The following ZNF804B variants were observed in gnomAD, a reference collection of about 807,000 sequenced individuals.
ZNF804B encodes zinc finger protein 804B, also known as zinc finger 804B.
A neutral mutation model predicts 101.4 loss-of-function variants in ZNF804B; 80 were observed. The ratio of observed to expected loss-of-function variants is 0.79; its 90% CI spans 0.66 to 0.95. The LOEUF (loss-of-function observed/expected upper bound fraction) is 0.95. Ranked by LOEUF, ZNF804B falls within the 40% of genes least tolerant of loss-of-function variation. The pLI is 0.00. For synonymous variants in ZNF804B, 622 were observed against 558.8 expected, an observed-to-expected ratio of 1.11 and a Z score of -1.59; for missense variants, 1,673 against 1,561.9, an observed-to-expected ratio of 1.07 and a Z score of -1.20.
chr7:88,964,223 T>C (rs948016162), intron 1 of ZNF804B, among the ~76,000 whole-genome samples: 3 of 151,444 alleles, frequency 2.0e-5, no homozygotes, highest in African/African-American at 7.3e-5. Context: ...ACAGATATTT[T>C]TACACCAATT....
intron 2 of ZNF804B, among the ~76,000 whole-genome samples, chr7:89,254,651 A>AT (rs111618806): frequency 0.023 from 2,723 of 117,528 alleles, 72 homozygotes; most frequent in East Asian, 0.11. Context: ...TATTTTTATT[A>AT]TTTTTTTTTT....
intron 1 of ZNF804B, among the ~76,000 whole-genome samples, chr7:89,033,619 G>C (rs1375680796): frequency 6.6e-6 from 1 of 151,884 alleles, no homozygotes; most frequent in Non-Finnish European, 1.5e-5. Flanking sequence ...AAAAAATATA[G>C]TTCGTTTCCC....
At chr7:89,254,212 A>G (rs992216448) in intron 2 of ZNF804B, among the ~76,000 whole-genome samples, 2 of 152,166 alleles carry the variant, frequency 1.3e-5, no homozygotes, top group African/African-American at 2.4e-5. Context: ...CACTATATCT[A>G]CAAAACATAA....
chr7:88,842,151 A>T (rs905025757), intron 1 of ZNF804B, among the ~76,000 whole-genome samples: 6 of 152,174 alleles, frequency 3.9e-5, no homozygotes, highest in Non-Finnish European at 8.8e-5. Flanking sequence ...AATCAAATAA[A>T]AGTTTGTATT....
chr7:88,898,188 G>A (rs1792337681), intron 1 of ZNF804B, among the ~76,000 whole-genome samples: 1 of 135,662 alleles, frequency 7.4e-6, no homozygotes, highest in Non-Finnish European at 1.5e-5. Context: ...CCGGGTTCAC[G>A]CCATTCTCCT....
chr7:89,014,830 T>A (rs1338996152), intron 1 of ZNF804B, among the ~76,000 whole-genome samples: 1 of 145,574 alleles, frequency 6.9e-6, no homozygotes, highest in Admixed American at 6.6e-5. Flanking sequence ...AATTGTTTGC[T>A]TTGTTGTGCA....
At chr7:88,854,171 T>C (rs993741659) in intron 1 of ZNF804B, among the ~76,000 whole-genome samples, 3 of 152,162 alleles carry the variant, frequency 2.0e-5, no homozygotes. Flanking sequence ...GCCAGGAAAA[T>C]GTGTTAGACA....
At chr7:89,037,182 A>C (rs1159927641) in intron 1 of ZNF804B, among the ~76,000 whole-genome samples, 1 of 152,176 alleles carries the variant, frequency 6.6e-6, no homozygotes, top group East Asian at 1.9e-4. Context: ...ATTTCAGTAG[A>C]AATGTATTCA....
chr7:88,877,028 T>TATATATATATATATATATA (rs1562820435), intron 1 of ZNF804B, among the ~76,000 whole-genome samples: 23 of 36,318 alleles, frequency 6.3e-4, no homozygotes, highest in African/African-American at 3.3e-3. Flanking sequence ...ATATATATAA[T>TATATATATATATATATATA]ATATATATAT....
chr7:89,116,658 A>G (rs893920837), intron 1 of ZNF804B, among the ~76,000 whole-genome samples: 2 of 152,210 alleles, frequency 1.3e-5, no homozygotes, highest in African/African-American at 2.4e-5. Flanking sequence ...CTCCATTTTC[A>G]TAAAGATTAG....
intron 1 of ZNF804B, among the ~76,000 whole-genome samples, chr7:88,921,686 G>T (rs10251757): frequency 0.28 from 41,999 of 151,810 alleles, 7,738 homozygotes; most frequent in East Asian, 0.61. Flanking sequence ...GTGAGACTAG[G>T]TTAACCTGCT....
chr7:88,854,527 T>TTTCCTTCCCTTCCCTTCCCTTCC (rs1791520224), intron 1 of ZNF804B, among the ~76,000 whole-genome samples: 5 of 40,074 alleles, frequency 1.2e-4, no homozygotes, highest in African/African-American at 5.2e-4. Flanking sequence ...CTTTCCTTCC[T>TTTCCTTCCCTTCCCTTCCCTTCC]TTCCTTCCTT....
At chr7:89,192,581 A>G (rs1488475434) in intron 1 of ZNF804B, among the ~76,000 whole-genome samples, 3 of 152,040 alleles carry the variant, frequency 2.0e-5, no homozygotes, top group African/African-American at 7.2e-5. Context: ...CCAGATGTAT[A>G]TTACCATTAC....
chr7:89,288,962 T>C (rs1352044471), intron 2 of ZNF804B, among the ~76,000 whole-genome samples: 1 of 152,188 alleles, frequency 6.6e-6, no homozygotes, highest in Non-Finnish European at 1.5e-5. Context: ...AGCAAAATAT[T>C]ATTAAAAGTT....
intron 1 of ZNF804B, among the ~76,000 whole-genome samples, chr7:88,960,763 A>C (rs1333290379): frequency 6.6e-6 from 1 of 151,374 alleles, no homozygotes. Context: ...GTTTTGTTGA[A>C]AAATTACTTA....
At chr7:89,138,554 CT>C (rs888147650) in intron 1 of ZNF804B, among the ~76,000 whole-genome samples, 5 of 151,880 alleles carry the variant, frequency 3.3e-5, no homozygotes, top group African/African-American at 1.2e-4. Context: ...TGAGTTAAGA[CT>C]TTGGGGGACT....
intron 2 of ZNF804B, among the ~76,000 whole-genome samples, chr7:89,237,875 A>G (rs144548316): frequency 1.5e-3 from 221 of 152,328 alleles, no homozygotes; most frequent in African/African-American, 4.9e-3. Flanking sequence ...GAGATAATAA[A>G]CACAAAAGTA....
intron 1 of ZNF804B, among the ~76,000 whole-genome samples, chr7:89,084,528 A>T (rs182151231): frequency 8.5e-5 from 13 of 152,074 alleles, no homozygotes; most frequent in Non-Finnish European, 1.5e-4. Flanking sequence ...AGTGGTAAGC[A>T]TGGAAAATTG....
chr7:89,029,599 A>G (rs1438339075), intron 1 of ZNF804B, among the ~76,000 whole-genome samples: 1 of 152,122 alleles, frequency 6.6e-6, no homozygotes, highest in Non-Finnish European at 1.5e-5. Flanking sequence ...AGTAATGATG[A>G]TTGCATGTAT....
Sources: gnomAD v4.1 joint callset for allele counts (sites outside exome capture counted in the v4.1 genomes callset) on GRCh38, gnomAD v4.1.1 for gene constraint, MANE v1.5 for transcripts, NCBI Gene and HGNC (gene_info 2026-07-23, HGNC 2026-07-21) for gene names.